The following COL19A1 variants were observed in gnomAD, a reference collection of about 807,000 sequenced individuals.
COL19A1 encodes the protein collagen type XIX alpha 1 chain, also known as collagen alpha-1(XIX) chain.
A neutral mutation model predicts 190.2 loss-of-function variants in COL19A1; 159 were observed. The observed-to-expected ratio is 0.84, with a 90% CI of 0.73 to 0.95. The LOEUF (loss-of-function observed/expected upper bound fraction) is 0.95, where lower values mean the gene tolerates loss of function less well. Ranked by LOEUF, COL19A1 falls within the 40% of genes least tolerant of loss-of-function variation. The pLI is 0.00. For synonymous variants in COL19A1, 509 were observed against 458.9 expected (o/e 1.11, Z -1.39); for missense variants, 1,418 against 1,431.9 (o/e 0.99, Z 0.16).
chr6:69,880,992 C>T (rs911623741), intron 2 of COL19A1, among the ~76,000 whole-genome samples: 4 of 152,268 alleles, frequency 2.6e-5, no homozygotes, highest in Middle Eastern at 3.4e-3. Flanking sequence ...AGTTTTTAGG[C>T]ACATGCTAGT....
chr6:69,921,741 C>T (rs1423369796), intron 4 of COL19A1, among the ~76,000 whole-genome samples: 2 of 130,180 alleles, frequency 1.5e-5, no homozygotes, highest in East Asian at 2.1e-4. Context: ...TATGTAGATT[C>T]GTATATGTAT....
At chr6:70,187,953 GTTTAAGTTA>G in intron 46 of COL19A1, 113 bp from the exon 47 acceptor site, 1 of 1,156,950 alleles carries the variant, frequency 8.6e-7, no homozygotes, top group Non-Finnish European at 1.2e-6. Flanking sequence ...GACACAGAGA[GTTTAAGTTA>G]TTTATACAAG....
chr6:70,029,810 A>G (rs566933109), intron 12 of COL19A1, among the ~76,000 whole-genome samples: 2 of 152,312 alleles, frequency 1.3e-5, no homozygotes, highest in South Asian at 2.1e-4. Flanking sequence ...TTACATATCC[A>G]TCAAACTGGT....
intron 9 of COL19A1, among the ~76,000 whole-genome samples, chr6:69,947,911 G>A (rs767360472): frequency 6.6e-6 from 1 of 151,838 alleles, no homozygotes; most frequent in Non-Finnish European, 1.5e-5. Flanking sequence ...ATACCTTGCT[G>A]CAAGTTGATG....
At position 70,149,831 on chromosome 6, in the gene COL19A1, T is replaced by A. The variant is rs764862404; in HGVS notation, c.1930-20T>A. 9.3e-6 allele frequency: 15 copies of A among 1,613,676 alleles called. No homozygotes were observed. Among genetic ancestry groups the A allele is most frequent in the Non-Finnish European group, 1.3e-5 (15 of 1,179,778 alleles). ...AGACCATCCTCATAAGTAACTGTTT[T>A]TATTTCCCTCCTTTTCCAGGGTCCT... On this transcript the variant is annotated intron_variant, in intron 28 of 50. Transcript: ENST00000620364.
At chr6:70,026,162 C>CT (rs1778721935) in intron 12 of COL19A1, among the ~76,000 whole-genome samples, 1 of 152,164 alleles carries the variant, frequency 6.6e-6, no homozygotes, top group Non-Finnish European at 1.5e-5. Flanking sequence ...AGGTTGGAAC[C>CT]TGAAATATAT....
At chr6:69,878,255 C>T (rs1431446052) in intron 1 of COL19A1, among the ~76,000 whole-genome samples, 1 of 151,054 alleles carries the variant, frequency 6.6e-6, no homozygotes, top group Non-Finnish European at 1.5e-5. Context: ...GCTCTGTCAC[C>T]CAGGCTGGAG....
intron 4 of COL19A1, among the ~76,000 whole-genome samples, chr6:69,900,728 A>G (rs142508834): frequency 5.9e-5 from 9 of 152,272 alleles, no homozygotes; most frequent in Non-Finnish European, 1.2e-4. Context: ...TAGATTTTCT[A>G]TGCTTCTTAA....
chr6:69,892,225 T>C (rs1210627631), intron 2 of COL19A1, among the ~76,000 whole-genome samples: 1 of 152,244 alleles, frequency 6.6e-6, no homozygotes, highest in African/African-American at 2.4e-5. Flanking sequence ...GGATAATTGC[T>C]CAGAACTAGA....
In COL19A1 at chr6:70,156,456, A is replaced by G; in HGVS notation, c.2238+87A>G. On this transcript the variant is annotated intron_variant, in intron 33 of 50. Coordinates refer to ENST00000620364, the MANE Select transcript of COL19A1 (RefSeq NM_001858.6). ...CCCGATTTGAAAATAGACAACTTTT[A>G]AAATACATACTATATATATATATGT... 3 of 1,168,188 alleles carry G rather than the reference A, an allele frequency of 2.6e-6. No individual in the cohort carries two copies. In the South Asian group the frequency reaches 4.0e-5, roughly 16 times the overall value. 72.4% of individuals were successfully genotyped at this position (1,168,188 alleles called of 1,614,324 possible).
chr6:70,170,377 T>C (rs1765425726), intron 40 of COL19A1, among the ~76,000 whole-genome samples: 1 of 152,206 alleles, frequency 6.6e-6, no homozygotes, highest in African/African-American at 2.4e-5. Context: ...GGAAATTTAC[T>C]CTTCCAACAT....
At chr6:70,074,624 G>A (rs1781766901) in intron 15 of COL19A1, among the ~76,000 whole-genome samples, 1 of 152,044 alleles carries the variant, frequency 6.6e-6, no homozygotes, top group African/African-American at 2.4e-5. Flanking sequence ...TTCAGGGTCT[G>A]GTAGAAACCA....
chr6:70,186,452 T>C (rs1304209617), intron 46 of COL19A1, among the ~76,000 whole-genome samples: 2 of 152,238 alleles, frequency 1.3e-5, no homozygotes, highest in Non-Finnish European at 2.9e-5. Flanking sequence ...TAAGTGCTTT[T>C]ATTTCTTTCT....
intron 31 of COL19A1, among the ~76,000 whole-genome samples, chr6:70,152,471 G>A (rs151240585): frequency 6.6e-6 from 1 of 152,094 alleles, no homozygotes; most frequent in Non-Finnish European, 1.5e-5. Context: ...ATATATTAAA[G>A]GAGTTTCTAA....
chr6:70,174,371 C>T (rs1028847566), intron 41 of COL19A1, among the ~76,000 whole-genome samples: 1 of 152,154 alleles, frequency 6.6e-6, no homozygotes, highest in Admixed American at 6.5e-5. Flanking sequence ...AGTTCAAGAC[C>T]AGCCTGGCCA....
chr6:70,209,318 G>A lies in COL19A1; in HGVS notation c.*2044G>A, dbSNP rs1015960037. ...CAAAGATTATTTTTTCATATTAATA[G>A]GTTGTTTATCTTTTTGCCTGTTTGC... On this transcript the variant is annotated 3_prime_UTR_variant, in exon 51 of 51. Coordinates refer to ENST00000620364, the MANE Select transcript of COL19A1 (RefSeq NM_001858.6). The A allele has an allele frequency of 6.6e-6, 1 of 152,242 alleles. No homozygotes were observed. Among genetic ancestry groups the A allele is most frequent in the Non-Finnish European group, 1.5e-5 (1 of 67,964 alleles). The allele number at this position is 152,242 out of a possible 1,614,324, so 9.4% of individuals were successfully genotyped here.
intron 2 of COL19A1, among the ~76,000 whole-genome samples, chr6:69,888,325 A>C (rs570971485): frequency 6.6e-6 from 1 of 152,316 alleles, no homozygotes; most frequent in African/African-American, 2.4e-5. Context: ...GCAAAAAAAA[A>C]CTTTACTCTT....
At chr6:69,939,568 A>G (rs1006058891) in intron 9 of COL19A1, among the ~76,000 whole-genome samples, 2 of 152,136 alleles carry the variant, frequency 1.3e-5, no homozygotes, top group Non-Finnish European at 2.9e-5. Context: ...ATGTTCTAAA[A>G]GCAATTCAGT....
chr6:70,110,659 G>T (rs1784234626), intron 16 of COL19A1, among the ~76,000 whole-genome samples: 1 of 152,162 alleles, frequency 6.6e-6, no homozygotes, highest in African/African-American at 2.4e-5. Flanking sequence ...ATCAGGTTGA[G>T]ATTTTGAAAA....
Sources: gnomAD v4.1 joint callset for allele counts (sites outside exome capture counted in the v4.1 genomes callset) on GRCh38, gnomAD v4.1.1 for gene constraint, MANE v1.5 for transcripts, NCBI Gene and HGNC (gene_info 2026-07-23, HGNC 2026-07-21) for gene names.